The following ARHGAP24 variants were observed in gnomAD, a reference collection of about 807,000 sequenced individuals.
ARHGAP24 encodes the protein rho GTPase-activating protein 24.
Under a neutral mutation model 76.4 loss-of-function variants are expected in ARHGAP24, and 50 were observed. The observed-to-expected ratio is 0.65, with a 90% CI of 0.52 to 0.83. The LOEUF (loss-of-function observed/expected upper bound fraction) is 0.83, where lower values mean the gene tolerates loss of function less well. ARHGAP24 is among the 40% of genes least tolerant of loss of function. ARHGAP24 has a pLI of 0.00. For synonymous variants in ARHGAP24, 345 were observed against 323.3 expected (o/e 1.07, Z -0.72); for missense variants, 930 against 914.2 (o/e 1.02, Z -0.22).
intron 1 of ARHGAP24, among the ~76,000 whole-genome samples, chr4:85,519,108 C>A (rs1356851997): frequency 6.6e-6 from 1 of 152,002 alleles, no homozygotes; most frequent in African/African-American, 2.4e-5. Flanking sequence ...AATGTGATAC[C>A]ACCTTACTCC....
intron 1 of ARHGAP24, among the ~76,000 whole-genome samples, chr4:85,560,740 G>A (rs1460609172): frequency 6.6e-6 from 1 of 152,134 alleles, no homozygotes; most frequent in Non-Finnish European, 1.5e-5. Flanking sequence ...CTCAAATCAT[G>A]ATTAAGAGTA....
chr4:85,745,490 C>T (rs189975622), intron 3 of ARHGAP24, among the ~76,000 whole-genome samples: 1 of 147,374 alleles, frequency 6.8e-6, no homozygotes, highest in East Asian at 2.0e-4. Flanking sequence ...ACTCAGGAGT[C>T]TGAGGCAAGA....
Position 85,570,641 on chromosome 4 carries a change from A to G in ARHGAP24, c.100A>G (p.Lys34Glu). The G allele has an allele frequency of 1.9e-6, 3 of 1,614,130 alleles. No homozygotes were observed. Among genetic ancestry groups the G allele is most frequent in the Non-Finnish European group, 2.5e-6 (3 of 1,180,014 alleles). The change falls in exon 2 of 10, where the codon AAG becomes GAG. Residue 34 changes from lysine to glutamate, a missense_variant. Physicochemically the swap from Lys to Glu is moderately conservative, Grantham distance 56 (BLOSUM62 1). Coordinates refer to ENST00000395184, the MANE Select transcript of ARHGAP24 (RefSeq NM_001025616.3). ...GCTGAGGAAGCAAGGAGGCTTTGTCAAGACTTGGCATACTCGCTGGTTTGT... is the reference window on the plus strand; with the variant it reads ...GCTGAGGAAGCAAGGAGGCTTTGTCGAGACTTGGCATACTCGCTGGTTTGT... ...GWLRKQGGFV[K>E]TWHTRWFVLK...
intron 3 of ARHGAP24, among the ~76,000 whole-genome samples, chr4:85,780,301 G>A (rs1216397754): frequency 2.0e-5 from 3 of 152,122 alleles, no homozygotes; most frequent in African/African-American, 7.2e-5. Flanking sequence ...AGCCTCCAGA[G>A]TAGCTGGGAT....
At chr4:85,515,487 C>CATATAT (rs139510233) in intron 1 of ARHGAP24, among the ~76,000 whole-genome samples, 156 of 145,046 alleles carry the variant, frequency 1.1e-3, no homozygotes, top group Middle Eastern at 7.1e-3. Flanking sequence ...TAAACTAGGA[C>CATATAT]ATATATATAT....
chr4:85,787,433 G>A (rs1383841539), intron 3 of ARHGAP24, among the ~76,000 whole-genome samples: 1 of 152,150 alleles, frequency 6.6e-6, no homozygotes, highest in Non-Finnish European at 1.5e-5. Flanking sequence ...ATTTTGAGAT[G>A]TTAGCTCGTG....
intron 2 of ARHGAP24, among the ~76,000 whole-genome samples, chr4:85,571,967 A>T (rs762766214): frequency 1.3e-5 from 2 of 152,168 alleles, no homozygotes; most frequent in Non-Finnish European, 2.9e-5. Context: ...AAGGTCCCAT[A>T]TTGGTATCAT....
At chr4:85,988,783 C>G (rs901910027) in intron 8 of ARHGAP24, among the ~76,000 whole-genome samples, 1 of 151,334 alleles carries the variant, frequency 6.6e-6, no homozygotes, top group African/African-American at 2.4e-5. Flanking sequence ...AATAAAAATT[C>G]AACACTCAAC....
intron 2 of ARHGAP24, among the ~76,000 whole-genome samples, chr4:85,675,264 G>A (rs1337083153): frequency 2.0e-5 from 3 of 152,152 alleles, no homozygotes; most frequent in Non-Finnish European, 2.9e-5. Flanking sequence ...TACATAATCA[G>A]GGTTTCCTTC....
At position 85,942,212 on chromosome 4, in the gene ARHGAP24, G is replaced by A. The variant is rs775627578; in HGVS notation, c.538G>A (p.Ala180Thr). ...EEGLFRLPGQ[A>T]NLVKELQDAF... ...GGGTCTCTTTCGACTGCCAGGCCAG[G>A]CTAATCTTGTTAAGGAGCTCCAAGA... The change falls in exon 5 of 10, where the codon GCT becomes ACT. Residue 180 changes from alanine to threonine, a missense_variant. Transcript: ENST00000395184. The A allele has an allele frequency of 1.9e-6, 3 of 1,614,092 alleles. No homozygotes were observed. Among genetic ancestry groups the A allele is most frequent in the East Asian group, 2.2e-5 (1 of 44,876 alleles).
At chr4:85,862,276 GA>G in intron 3 of ARHGAP24, among the ~76,000 whole-genome samples, 1 of 152,122 alleles carries the variant, frequency 6.6e-6, no homozygotes, top group East Asian at 1.9e-4. Context: ...CCATATGGTG[GA>G]AGAAGATTTA....
At position 85,974,886 on chromosome 4, in the gene ARHGAP24, AG is replaced by A. The variant is rs760983799; in HGVS notation, c.734del. ...AATATTTATTTTCTTCTTTGTACTC[AG>A]GGTGTTAAGGAATTAGCAAAGCAGG... On this transcript the variant is annotated splice_acceptor_variant, in intron 6 of 9. Transcript: ENST00000395184. LOFTEE classifies it high-confidence loss of function. 2 of 1,613,186 alleles carry A rather than the reference AG, an allele frequency of 1.2e-6. No individual in the cohort carries two copies. Among genetic ancestry groups the A allele is most frequent in the Non-Finnish European group, 1.7e-6 (2 of 1,179,394 alleles).
intron 1 of ARHGAP24, among the ~76,000 whole-genome samples, chr4:85,545,118 T>G (rs1000195100): frequency 2.0e-5 from 3 of 152,088 alleles, no homozygotes; most frequent in Non-Finnish European, 4.4e-5. Flanking sequence ...TTTTTTAATT[T>G]GAGATGGAGT....
intron 3 of ARHGAP24, among the ~76,000 whole-genome samples, chr4:85,828,958 A>G (rs1050595034): frequency 6.6e-6 from 1 of 152,154 alleles, no homozygotes; most frequent in Non-Finnish European, 1.5e-5. Context: ...CAGATTTTAA[A>G]ATGAAAAAGA....
chr4:85,625,347 A>C (rs1032908844), intron 2 of ARHGAP24, among the ~76,000 whole-genome samples: 1 of 152,118 alleles, frequency 6.6e-6, no homozygotes, highest in Admixed American at 6.6e-5. Context: ...GTCATTCAGG[A>C]GCAGGTTGTT....
intron 1 of ARHGAP24, among the ~76,000 whole-genome samples, chr4:85,503,324 T>C (rs1276303617): frequency 6.6e-6 from 1 of 152,212 alleles, no homozygotes; most frequent in Admixed American, 6.5e-5. Flanking sequence ...CTGATAGAAT[T>C]CGGCTATAAA....
intron 8 of ARHGAP24, among the ~76,000 whole-genome samples, chr4:85,978,897 T>C (rs1351439982): frequency 2.0e-5 from 3 of 152,226 alleles, no homozygotes; most frequent in African/African-American, 7.2e-5. Flanking sequence ...TGTGTAGTTT[T>C]ATCACCCAAA....
At chr4:85,506,971 C>T (rs1724082080) in intron 1 of ARHGAP24, among the ~76,000 whole-genome samples, 1 of 151,962 alleles carries the variant, frequency 6.6e-6, no homozygotes, top group African/African-American at 2.4e-5. Flanking sequence ...GATATATAAA[C>T]AGCACATTTA....
chr4:85,688,332 G>A (rs1204159594), intron 2 of ARHGAP24, among the ~76,000 whole-genome samples: 1 of 152,106 alleles, frequency 6.6e-6, no homozygotes, highest in Non-Finnish European at 1.5e-5. Flanking sequence ...TAGTGATAAT[G>A]AATATTTTTT....
Sources: gnomAD v4.1 joint callset for allele counts (sites outside exome capture counted in the v4.1 genomes callset) on GRCh38, gnomAD v4.1.1 for gene constraint, MANE v1.5 for transcripts, NCBI Gene and HGNC (gene_info 2026-07-23, HGNC 2026-07-21) for gene names.